GRB7: variants seen among roughly 807,000 people sequenced by gnomAD.
GRB7 encodes the protein growth factor receptor bound protein 7.
GRB7 carries 47 observed loss-of-function variants against 64.1 expected under a neutral mutation model. The ratio of observed to expected loss-of-function variants is 0.73; its 90% CI spans 0.58 to 0.94. The LOEUF is 0.94. Ranked by LOEUF, GRB7 falls within the 40% of genes least tolerant of loss-of-function variation. The pLI, the probability that GRB7 is intolerant of heterozygous loss-of-function variation, is 0.00. For synonymous variants in GRB7, 277 were observed against 279.9 expected, an observed-to-expected ratio of 0.99 and a Z score of 0.10; for missense variants, 634 against 718.4, an observed-to-expected ratio of 0.88 and a Z score of 1.34.
At chr17:39,745,877 C>T in intron 12 of GRB7, 36 bp from the exon 13 acceptor site, 1 of 1,613,074 alleles carries the variant, frequency 6.2e-7, no homozygotes, top group Admixed American at 1.7e-5. Flanking sequence ...GGGGTCCCCT[C>T]CCCAAAGTGA....
At chr17:39,739,571 C>CA (rs759851098) in intron 1 of GRB7, among the ~76,000 whole-genome samples, 48 of 152,392 alleles carry the variant, frequency 3.1e-4, no homozygotes, top group Admixed American at 5.2e-4. Context: ...CTCAGTCCCG[C>CA]AAGCCCTTCC....
chr17:39,745,343 TGGGA>T lies in GRB7; in HGVS notation c.1092+24_1092+27del. On this transcript the variant is annotated intron_variant, in intron 10 of 14. Coordinates refer to ENST00000309156, the MANE Select transcript of GRB7 (RefSeq NM_005310.5). ...CCCTTGGTGAGTGTGCCCAAGGGGA[TGGGA>T]GGGTGGGTATGCAGGCCCTGTCTTA... 1 of 1,531,502 alleles carries T rather than the reference TGGGA, an allele frequency of 6.5e-7. No homozygotes were observed. The highest frequency in any genetic ancestry group is 9.0e-7 in the Non-Finnish European group (1 of 1,108,752). 94.9% of individuals were successfully genotyped at this position (1,531,502 alleles called of 1,614,324 possible).
chr17:39,743,167 C>A lies in GRB7; in HGVS notation c.464-13C>A, dbSNP rs770169638. On this transcript the variant is annotated splice_polypyrimidine_tract_variant and intron_variant, in intron 4 of 14. Coordinates refer to ENST00000309156, the MANE Select transcript of GRB7 (RefSeq NM_005310.5). ...GATCTCCAATAACCCCTGCTTTTTG[C>A]CCTTGTCCCCAGAGCGGGGTTTGGA... 2 of 1,611,888 alleles carry A rather than the reference C, an allele frequency of 1.2e-6. No homozygotes were observed. The highest frequency in any genetic ancestry group is 1.7e-6 in the Non-Finnish European group (2 of 1,179,274).
At chr17:39,743,622 G>A (rs2060016742) in intron 6 of GRB7, 152 bp downstream of exon 6, 1 of 666,372 alleles carries the variant, frequency 1.5e-6, no homozygotes, top group Non-Finnish European at 2.7e-6. Flanking sequence ...CCCTGCCTGA[G>A]CATCAGTTTC....
rs1007725539 is a variant in GRB7, at chr17:39,747,045, G to C, written c.*148G>C. 2.4e-6 allele frequency: 2 copies of C among 829,992 alleles called. No individual in the cohort carries two copies. Among genetic ancestry groups the C allele is most frequent in the Non-Finnish European group, 3.7e-6 (2 of 546,030 alleles). The allele number at this position is 829,992 out of a possible 1,614,324, so 51.4% of individuals were successfully genotyped here. Reference sequence around the variant, plus strand: ...CTCCAGTTTTCTCCTCTGCTTCTTTGCCTCCCTCAGATAGAAAACAGCCCC... The same window carrying C: ...CTCCAGTTTTCTCCTCTGCTTCTTTCCCTCCCTCAGATAGAAAACAGCCCC... On this transcript the variant is annotated 3_prime_UTR_variant, in exon 15 of 15. Coordinates refer to ENST00000309156, the MANE Select transcript of GRB7 (RefSeq NM_005310.5).
chr17:39,746,269 A>G (rs1439154367), intron 14 of GRB7, 67 bp downstream of exon 14: 1 of 1,299,106 alleles, frequency 7.7e-7, no homozygotes, highest in African/African-American at 1.5e-5. Flanking sequence ...TGTCCTCCTC[A>G]CCAGGCCCCT....
In GRB7 at chr17:39,742,871, A is replaced by C. The variant is rs766725026; in HGVS notation, c.307-27A>C. The C allele has an allele frequency of 2.6e-6, 4 of 1,558,826 alleles. No homozygotes were observed. The Admixed American group carries it at 7.4e-5, about 29-fold the overall frequency. ...AATGAATCACCCTTTGCCTCCCCTCAAGTCGTGTGCAATTCCTGGGGCGCA... is the reference window on the plus strand; with the variant it reads ...AATGAATCACCCTTTGCCTCCCCTCCAGTCGTGTGCAATTCCTGGGGCGCA... On this transcript the variant is annotated intron_variant, in intron 3 of 14. Transcript: ENST00000309156.
At chr17:39,744,377 G>C (rs2060024820) in intron 7 of GRB7, 170 bp downstream of exon 7, 1 of 899,770 alleles carries the variant, frequency 1.1e-6, no homozygotes, top group Admixed American at 2.2e-5. Flanking sequence ...GCCCAGGGAG[G>C]TAGCAGGAGA....
At chr17:39,740,326 G>C (rs927081806) in intron 1 of GRB7, 8 of 225,686 alleles carry the variant, frequency 3.5e-5, no homozygotes, top group Non-Finnish European at 5.2e-5. Flanking sequence ...CTTCTTGAGT[G>C]TTTTCCCTTT....
chr17:39,741,786 A>G (rs982323800), intron 1 of GRB7, among the ~76,000 whole-genome samples: 5 of 152,194 alleles, frequency 3.3e-5, no homozygotes, highest in African/African-American at 9.6e-5. Context: ...TTGGGAGGCC[A>G]AGGCGGGCGG....
intron 1 of GRB7, among the ~76,000 whole-genome samples, chr17:39,741,974 C>A (rs1482905255): frequency 2.0e-3 from 218 of 107,968 alleles, no homozygotes; most frequent in Middle Eastern, 4.3e-3. Flanking sequence ...GACGCCGCTG[C>A]AAAAAAAAAA....
rs753504232 is a variant in GRB7 at position 39,746,105 on chromosome 17, G to C, written c.1359-4G>C. 3 of 1,613,882 alleles carry C rather than the reference G, an allele frequency of 1.9e-6. No homozygotes were observed. The highest frequency in any genetic ancestry group is 2.5e-6 in the Non-Finnish European group (3 of 1,179,894). ...ATGCTGCCCCATCTCCTGTCTTCTGGCAGCCTGTTCCTGGTCCGGGAGAGT... is the reference window on the plus strand; with the variant it reads ...ATGCTGCCCCATCTCCTGTCTTCTGCCAGCCTGTTCCTGGTCCGGGAGAGT... On this transcript the variant is annotated splice_region_variant and splice_polypyrimidine_tract_variant and intron_variant, in intron 13 of 14. Coordinates refer to ENST00000309156, the MANE Select transcript of GRB7 (RefSeq NM_005310.5).
intron 6 of GRB7, 147 bp from the exon 7 acceptor site, chr17:39,743,923 G>T: frequency 1.0e-6 from 1 of 963,634 alleles, no homozygotes; most frequent in Non-Finnish European, 1.5e-6. Flanking sequence ...AGCTCGGGAG[G>T]TCGAGGTTGC....
Position 39,742,999 on chromosome 17 carries a change from C to T in GRB7, c.408C>T (p.His136=), listed in dbSNP as rs753650850. 21 of 1,612,804 alleles carry T rather than the reference C, an allele frequency of 1.3e-5. No individual in the cohort carries two copies. The highest frequency in any genetic ancestry group is 1.7e-4 in the Middle Eastern group (1 of 6,056). ...GTGAAATGCTGGTGCAGCGAGCTCACGCCTTGAGCGACGAGACCTGGGGGC... is the reference window on the plus strand; with the variant it reads ...GTGAAATGCTGGTGCAGCGAGCTCATGCCTTGAGCGACGAGACCTGGGGGC... ...HVCEMLVQRA[H]ALSDETWGLV... is the part of the protein sequence containing the mutation. Residue 136 remains histidine (H), a synonymous_variant, in exon 4 of 15, where the codon CAC becomes CAT. Coordinates refer to ENST00000309156, the MANE Select transcript of GRB7 (RefSeq NM_005310.5).
At chr17:39,738,832 G>A in intron 1 of GRB7, 10 of 1,402,316 alleles carry the variant, frequency 7.1e-6, no homozygotes, top group Non-Finnish European at 9.7e-6. Flanking sequence ...GAAGGAGAGG[G>A]ATCCTCTAAA....
chr17:39,745,337 A>G lies in GRB7; in HGVS notation c.1092+14A>G, dbSNP rs1597907846. 8.7e-7 allele frequency: 1 copy of G among 1,147,998 alleles called. No individual in the cohort carries two copies. Among genetic ancestry groups the G allele is most frequent in the Non-Finnish European group, 1.3e-6 (1 of 794,056 alleles). The allele number at this position is 1,147,998 out of a possible 1,614,324, so 71.1% of individuals were successfully genotyped here. ...TCCCCACCCTTGGTGAGTGTGCCCA[A>G]GGGGATGGGAGGGTGGGTATGCAGG... is the stretch of plus-strand genomic sequence containing the variant. On this transcript the variant is annotated intron_variant, in intron 10 of 14. Transcript: ENST00000309156.
Position 39,746,026 on chromosome 17 carries a change from C to G in GRB7, c.1358+26C>G, listed in dbSNP as rs370459477. Reference sequence around the variant, plus strand: ...GTAAGGGGCAGGGCCGGGCAACAGACCCAGGGATAAGAGAGACTGGGGTCC... The same window carrying G: ...GTAAGGGGCAGGGCCGGGCAACAGAGCCAGGGATAAGAGAGACTGGGGTCC... On this transcript the variant is annotated intron_variant, in intron 13 of 14. Transcript: ENST00000309156. 4.3e-6 allele frequency: 7 copies of G among 1,613,118 alleles called. No homozygotes were observed. In the African/African-American group the frequency reaches 8.0e-5, roughly 18 times the overall value.
chr17:39,742,975 T>G lies in GRB7; in HGVS notation c.384T>G (p.Cys128Trp). 6.2e-7 allele frequency: 1 copy of G among 1,613,422 alleles called. No homozygotes were observed. Among genetic ancestry groups the G allele is most frequent in the Non-Finnish European group, 8.5e-7 (1 of 1,179,688 alleles). ...CAGGTGCCACAGCTCGCCACGTGTG[T>G]GAAATGCTGGTGCAGCGAGCTCACG... ...VAAGATARHV[C>W]EMLVQRAHAL... Residue 128 changes from cysteine to tryptophan, a missense_variant, in exon 4 of 15, where the codon TGT becomes TGG. Cys to Trp is a radical substitution (Grantham distance 215, BLOSUM62 -2). This residue lies in a region of GRB7 where 467 missense variants were observed against 576.6 expected (regional missense o/e 0.81). Transcript: ENST00000309156.
intron 2 of GRB7, 27 bp downstream of exon 2, chr17:39,742,483 AGGT>A: frequency 6.2e-7 from 1 of 1,612,238 alleles, no homozygotes; most frequent in South Asian, 1.1e-5. Flanking sequence ...GGCTTGGGGG[AGGT>A]CAGTGCTGGA....
Sources: gnomAD v4.1 joint callset for allele counts (sites outside exome capture counted in the v4.1 genomes callset) on GRCh38, gnomAD v4.1.1 for gene constraint, gnomAD v4.1.1 regional missense constraint, MANE v1.5 for transcripts, NCBI Gene and HGNC (gene_info 2026-07-23, HGNC 2026-07-21) for gene names.